GRID2: variants seen among roughly 807,000 people sequenced by gnomAD.
The protein encoded by GRID2 is glutamate ionotropic receptor delta type subunit 2.
GRID2 carries 33 observed loss-of-function variants against 114.8 expected under a neutral mutation model. The observed-to-expected ratio is 0.29, with a 90% CI of 0.22 to 0.38. The LOEUF (loss-of-function observed/expected upper bound fraction) is 0.38, where lower values mean the gene tolerates loss of function less well. Ranked by LOEUF, GRID2 falls within the 10% of genes least tolerant of loss-of-function variation. The probability of loss-of-function intolerance (pLI) is 1.00; values close to 1 mark genes in which losing one functional copy is unlikely to be tolerated. For missense variants in GRID2, 1,184 were observed against 1,257.7 expected (o/e 0.94, Z 0.89); for synonymous variants, 505 against 449.9 (o/e 1.12, Z -1.55).
At chr4:93,328,768 G>T (rs1758127181) in intron 8 of GRID2, among the ~76,000 whole-genome samples, 1 of 151,808 alleles carries the variant, frequency 6.6e-6, no homozygotes, top group Non-Finnish European at 1.5e-5. Context: ...ATACTCAGGT[G>T]GAGCTGCTCA....
intron 2 of GRID2, among the ~76,000 whole-genome samples, chr4:92,899,842 G>T (rs543386411): frequency 2.0e-5 from 3 of 152,246 alleles, no homozygotes; most frequent in South Asian, 2.1e-4. Flanking sequence ...ATAGCCTGAT[G>T]GAAGATGAAG....
At chr4:92,863,834 G>A (rs564653840) in intron 2 of GRID2, among the ~76,000 whole-genome samples, 88 of 151,954 alleles carry the variant, frequency 5.8e-4, no homozygotes, top group Non-Finnish European at 1.0e-3. Context: ...TGAGATCATC[G>A]CACTCTCGAT....
At chr4:93,127,824 T>C (rs529054219) in intron 4 of GRID2, among the ~76,000 whole-genome samples, 2 of 151,882 alleles carry the variant, frequency 1.3e-5, no homozygotes, top group Admixed American at 6.6e-5. Context: ...GAAGCCAGCC[T>C]GGGCAACATA....
At chr4:92,712,475 T>A (rs1735304711) in intron 2 of GRID2, among the ~76,000 whole-genome samples, 1 of 152,134 alleles carries the variant, frequency 6.6e-6, no homozygotes, top group East Asian at 1.9e-4. Context: ...AAGTTGCTAT[T>A]TATTATGCTG....
At chr4:93,762,840 A>G (rs1249800184) in intron 14 of GRID2, among the ~76,000 whole-genome samples, 2 of 151,980 alleles carry the variant, frequency 1.3e-5, no homozygotes, top group African/African-American at 4.8e-5. Context: ...GAGCATATGG[A>G]CCTGCCTTGG....
At chr4:93,357,693 T>C (rs954823506) in intron 8 of GRID2, among the ~76,000 whole-genome samples, 19 of 151,808 alleles carry the variant, frequency 1.3e-4, no homozygotes, top group Non-Finnish European at 1.6e-4. Flanking sequence ...ATATAGTTTA[T>C]ATTAAAATGT....
At chr4:93,331,106 T>C (rs1187044314) in intron 8 of GRID2, among the ~76,000 whole-genome samples, 3 of 151,468 alleles carry the variant, frequency 2.0e-5, no homozygotes, top group Non-Finnish European at 4.4e-5. Context: ...TACAACAGCC[T>C]CAGTGCCTGC....
intron 8 of GRID2, among the ~76,000 whole-genome samples, chr4:93,369,455 T>C (rs1384312883): frequency 6.6e-6 from 1 of 152,218 alleles, no homozygotes; most frequent in Non-Finnish European, 1.5e-5. Context: ...TGATTTAACC[T>C]ACTACAAAAG....
At chr4:93,083,423 G>A (rs1320349161) in intron 2 of GRID2, among the ~76,000 whole-genome samples, 1 of 151,884 alleles carries the variant, frequency 6.6e-6, no homozygotes, top group South Asian at 2.1e-4. Flanking sequence ...GGCCAGGCAC[G>A]GTGGCTCACA....
intron 12 of GRID2, among the ~76,000 whole-genome samples, chr4:93,508,922 CCAAG>C (rs1210157546): frequency 6.6e-6 from 1 of 152,140 alleles, no homozygotes; most frequent in Non-Finnish European, 1.5e-5. Context: ...AAGACATCTA[CCAAG>C]ACATGCACCT....
chr4:92,615,504 A>G (rs1729964708), intron 2 of GRID2, among the ~76,000 whole-genome samples: 1 of 151,594 alleles, frequency 6.6e-6, no homozygotes, highest in Admixed American at 6.6e-5. Flanking sequence ...ACCTATTTGT[A>G]TTTGTGTTTT....
rs541833194 is a variant in GRID2 at position 92,573,399 on chromosome 4, A to T, written c.89-16732A>T. ...TTGGTTCTCTAGTTCTTTTGTTGTG[A>T]TGTTAGAGTGTCAATTTGAGATCTT... On this transcript the variant is annotated intron_variant, in intron 1 of 15. Transcript: ENST00000282020. 1.2e-4 allele frequency among the ~76,000 whole-genome samples: 18 copies of T among 151,796 alleles called. No homozygotes were observed. In the South Asian group the frequency reaches 3.7e-3, roughly 32 times the overall value.
At chr4:93,558,662 A>G (rs1734576192) in intron 13 of GRID2, among the ~76,000 whole-genome samples, 1 of 152,210 alleles carries the variant, frequency 6.6e-6, no homozygotes, top group South Asian at 2.1e-4. Context: ...AGGTACAAAG[A>G]GGAGCTGGTA....
At chr4:93,533,373 CTCTTTCTT>C (rs140886175) in intron 13 of GRID2, among the ~76,000 whole-genome samples, 37 of 122,374 alleles carry the variant, frequency 3.0e-4, no homozygotes, top group Admixed American at 1.1e-3. Flanking sequence ...ACTTCTCTCT[CTCTTTCTT>C]TCTTTCTTTC....
In GRID2 at chr4:92,455,381, C is replaced by T. The variant is rs539646314; in HGVS notation, c.89-134750C>T. On this transcript the variant is annotated intron_variant, in intron 1 of 15. Coordinates refer to ENST00000282020, the MANE Select transcript of GRID2 (RefSeq NM_001510.4). ...TCTTATTTTCTAATACTCTGTATAC[C>T]CCAAACGACCCACCAGAGTATCAAT... Among the ~76,000 whole-genome samples, 10 of 152,022 alleles carry T rather than the reference C, an allele frequency of 6.6e-5. No homozygotes were observed. In the East Asian group the frequency reaches 1.9e-3, roughly 29 times the overall value.
intron 14 of GRID2, among the ~76,000 whole-genome samples, chr4:93,708,069 C>A (rs1442129493): frequency 6.6e-6 from 1 of 151,886 alleles, no homozygotes; most frequent in Non-Finnish European, 1.5e-5. Flanking sequence ...GATATGATTT[C>A]AATTATTTTA....
At chr4:93,671,939 C>A (rs1479945876) in intron 14 of GRID2, among the ~76,000 whole-genome samples, 1 of 152,114 alleles carries the variant, frequency 6.6e-6, no homozygotes, top group Non-Finnish European at 1.5e-5. Context: ...CCCGCCACTG[C>A]ACTCCAGCCT....
intron 2 of GRID2, among the ~76,000 whole-genome samples, chr4:92,870,962 A>C (rs1745229083): frequency 6.6e-6 from 1 of 152,188 alleles, no homozygotes; most frequent in Admixed American, 6.5e-5. Flanking sequence ...TTATTGTACT[A>C]TTCAAAAGTG....
intron 2 of GRID2, among the ~76,000 whole-genome samples, chr4:93,004,360 C>T (rs1436049970): frequency 6.6e-6 from 1 of 151,868 alleles, no homozygotes; most frequent in Non-Finnish European, 1.5e-5. Context: ...CTGGTAGAGT[C>T]CTGCCTCCTT....
Sources: allele counts gnomAD v4.1 joint callset (sites outside exome capture counted in the v4.1 genomes callset), GRCh38; gene constraint gnomAD v4.1.1; transcripts MANE v1.5; gene names NCBI Gene and HGNC (gene_info 2026-07-23, HGNC 2026-07-21).